USH2A: variants seen among roughly 807,000 people sequenced by gnomAD.
USH2A encodes the protein Usher syndrome 2A (autosomal recessive, mild).
In USH2A, 443 loss-of-function variants were observed where a neutral mutation model predicts 538.9. That is an observed-to-expected ratio of 0.82 (90% CI 0.76 to 0.89). USH2A has a LOEUF of 0.89. Ranked by LOEUF, USH2A falls within the 40% of genes least tolerant of loss-of-function variation. USH2A has a pLI of 0.00. For missense variants in USH2A, 6,633 were observed against 6,324.8 expected, an observed-to-expected ratio of 1.05 and a Z score of -1.65; for synonymous variants, 2,413 against 2,273.5, an observed-to-expected ratio of 1.06 and a Z score of -1.75.
intron 13 of USH2A, among the ~76,000 whole-genome samples, chr1:216,236,680 C>A (rs1050879574): frequency 6.6e-6 from 1 of 152,022 alleles, no homozygotes; most frequent in African/African-American, 2.4e-5. Flanking sequence ...GTGGCCTGTC[C>A]TATCAGGGAG....
chr1:215,784,322 C>T (rs140115782), intron 52 of USH2A, among the ~76,000 whole-genome samples: 5 of 152,244 alleles, frequency 3.3e-5, no homozygotes, highest in South Asian at 2.1e-4. Context: ...TGACCTTGTG[C>T]GATTCAGTTG....
At chr1:216,026,971 C>T (rs987500927) in intron 32 of USH2A, among the ~76,000 whole-genome samples, 1 of 152,116 alleles carries the variant, frequency 6.6e-6, no homozygotes, top group African/African-American at 2.4e-5. Context: ...TTCTTATATT[C>T]TGTAGGCTTT....
chr1:216,325,456 CTAT>C lies in USH2A; in HGVS notation c.989_991del (p.Asn330del). ...GGCTTCAGGATTCAACCGTGACACT[CTAT>C]TATCAGCTGTGTCTCCTGCATCATT... On this transcript the variant is annotated inframe_deletion, in exon 6 of 72. Transcript: ENST00000307340. The C allele has an allele frequency of 6.2e-7, 1 of 1,613,944 alleles. No homozygotes were observed. Among genetic ancestry groups the C allele is most frequent in the Admixed American group, 1.7e-5 (1 of 59,972 alleles).
chr1:216,280,202 T>G (rs1161064991), intron 11 of USH2A, among the ~76,000 whole-genome samples: 1 of 151,600 alleles, frequency 6.6e-6, no homozygotes, highest in East Asian at 1.9e-4. Context: ...ATTCATGCAT[T>G]AAGTTCAAGC....
intron 60 of USH2A, among the ~76,000 whole-genome samples, chr1:215,739,964 A>T (rs753280328): frequency 6.6e-6 from 1 of 152,190 alleles, no homozygotes; most frequent in African/African-American, 2.4e-5. Context: ...AGGATCTGAG[A>T]AGAAGGGTGT....
At chr1:215,718,028 C>T (rs1248166497) in intron 61 of USH2A, among the ~76,000 whole-genome samples, 1 of 152,126 alleles carries the variant, frequency 6.6e-6, no homozygotes, top group Non-Finnish European at 1.5e-5. Flanking sequence ...AATTTAAACC[C>T]TCTGTGACAA....
At chr1:216,095,731 A>G (rs1392274537) in intron 22 of USH2A, among the ~76,000 whole-genome samples, 1 of 152,068 alleles carries the variant, frequency 6.6e-6, no homozygotes, top group Non-Finnish European at 1.5e-5. Flanking sequence ...AAGCAGGAGG[A>G]CTTTGGCCTG....
chr1:216,401,991 CT>C (rs1383270750), intron 3 of USH2A, among the ~76,000 whole-genome samples: 1 of 152,074 alleles, frequency 6.6e-6, no homozygotes, highest in Non-Finnish European at 1.5e-5. Context: ...TTCACACCTA[CT>C]CTTAAATAAT....
chr1:216,097,655 C>G (rs932994805), intron 21 of USH2A, among the ~76,000 whole-genome samples: 5 of 152,128 alleles, frequency 3.3e-5, no homozygotes, highest in African/African-American at 1.2e-4. Context: ...TTGGAAAGAC[C>G]TGCCATGAAG....
intron 32 of USH2A, among the ~76,000 whole-genome samples, chr1:216,037,356 AT>A (rs940153260): frequency 2.6e-5 from 4 of 152,060 alleles, no homozygotes; most frequent in Non-Finnish European, 5.9e-5. Flanking sequence ...AGCAGATGTT[AT>A]TGTTTTTTGG....
intron 44 of USH2A, among the ~76,000 whole-genome samples, chr1:215,847,891 C>T (rs967706654): frequency 6.6e-6 from 1 of 152,092 alleles, no homozygotes; most frequent in East Asian, 1.9e-4. Flanking sequence ...TTCCTAAATA[C>T]ACTACTGCTT....
In USH2A at chr1:215,630,429, TGTGTGTATATATACATATATATGTGA is replaced by T. The variant is rs1274039808; in HGVS notation, c.15298-1420_15298-1395del. ...ATATATGTGTGTGTATATATATGTGTGTGTGTATATATACATATATATGTGAATATATATGTATGTGTATGTGTGTG... is the reference window on the plus strand; with the variant it reads ...ATATATGTGTGTGTATATATATGTGTATATATATGTATGTGTATGTGTGTG... On this transcript the variant is annotated intron_variant, in intron 70 of 71. Transcript: ENST00000307340. Among the ~76,000 whole-genome samples the T allele has an allele frequency of 2.0e-4, 30 of 148,838 alleles. No homozygotes were observed. The South Asian group carries it at 6.4e-3, about 32-fold the overall frequency.
At chr1:215,636,057 C>T (rs989788930) in intron 69 of USH2A, among the ~76,000 whole-genome samples, 3 of 152,118 alleles carry the variant, frequency 2.0e-5, no homozygotes, top group African/African-American at 7.2e-5. Flanking sequence ...GATGCAGCGG[C>T]CACACAGGCT....
chr1:215,788,024 T>C (rs539181032), intron 51 of USH2A, among the ~76,000 whole-genome samples: 1 of 152,150 alleles, frequency 6.6e-6, no homozygotes, highest in South Asian at 2.1e-4. Flanking sequence ...AATCCCACTA[T>C]ATATATATGT....
intron 3 of USH2A, among the ~76,000 whole-genome samples, chr1:216,376,471 T>A (rs2038822731): frequency 8.7e-6 from 1 of 115,054 alleles, no homozygotes; most frequent in Non-Finnish European, 2.0e-5. Flanking sequence ...CTATTGATCC[T>A]GATAAATCCC....
chr1:216,149,538 C>T (rs527496267), intron 21 of USH2A, among the ~76,000 whole-genome samples: 27 of 152,288 alleles, frequency 1.8e-4, no homozygotes, highest in African/African-American at 6.0e-4. Flanking sequence ...TCTTGCTCTT[C>T]TCAGAGTCAG....
At chr1:215,672,666 G>T (rs530396878) in intron 63 of USH2A, among the ~76,000 whole-genome samples, 1 of 152,238 alleles carries the variant, frequency 6.6e-6, no homozygotes, top group East Asian at 1.9e-4. Flanking sequence ...CTGACCAGCT[G>T]GGGGTGCTGA....
At chr1:216,374,053 T>C (rs546521585) in intron 3 of USH2A, among the ~76,000 whole-genome samples, 1 of 128,696 alleles carries the variant, frequency 7.8e-6, no homozygotes, top group Admixed American at 1.0e-4. Flanking sequence ...AATTGAACAA[T>C]GAGAACGCAT....
Position 216,002,948 on chromosome 1 carries a change from C to T in USH2A, c.6326-2386G>A, listed in dbSNP as rs559054262. Among the ~76,000 whole-genome samples, 9 of 152,234 alleles carry T rather than the reference C, an allele frequency of 5.9e-5. No individual in the cohort carries two copies. The South Asian group carries it at 1.7e-3, about 28-fold the overall frequency. On this transcript the variant is annotated intron_variant, in intron 32 of 71. Coordinates refer to ENST00000307340, the MANE Select transcript of USH2A (RefSeq NM_206933.4). ...CACAGAGTGCCCCACTCACCTTTCC[C>T]CTATAAACTGCATGCGTTGAAGGTG...
Sources: allele counts gnomAD v4.1 joint callset (sites outside exome capture counted in the v4.1 genomes callset), GRCh38; gene constraint gnomAD v4.1.1; transcripts MANE v1.5; gene names NCBI Gene and HGNC (gene_info 2026-07-23, HGNC 2026-07-21).